KIAA0825: variants seen among roughly 807,000 people sequenced by gnomAD.
KIAA0825 encodes the protein uncharacterized protein KIAA0825.
In KIAA0825, 119 loss-of-function variants were observed where a neutral mutation model predicts 147.6. That is an observed-to-expected ratio of 0.81 (90% CI 0.69 to 0.94). The LOEUF is 0.94. Among genes scored for constraint, KIAA0825 ranks in the 40% least tolerant of loss-of-function variants. The pLI is 0.00. For missense variants in KIAA0825, 1,381 were observed against 1,472.7 expected, an observed-to-expected ratio of 0.94 and a Z score of 1.02; for synonymous variants, 470 against 518.1, an observed-to-expected ratio of 0.91 and a Z score of 1.26.
Position 94,466,610 on chromosome 5 carries a change from G to A in KIAA0825, c.1873-1551C>T, listed in dbSNP as rs552002333. On this transcript the variant is annotated intron_variant, in intron 10 of 20. Coordinates refer to ENST00000682413, the MANE Select transcript of KIAA0825 (RefSeq NM_001145678.3). Reference sequence around the variant, plus strand: ...AAATTAGCTGGGCGTGGTGGCAGGCGCCTGTAGTCCCAGCTACTTGGGAGG... The same window carrying A: ...AAATTAGCTGGGCGTGGTGGCAGGCACCTGTAGTCCCAGCTACTTGGGAGG... 1.6e-3 allele frequency among the ~76,000 whole-genome samples: 245 copies of A among 151,800 alleles called. 2 individuals are homozygous for A. Among genetic ancestry groups the A allele is most frequent in the African/African-American group, 5.5e-3 (226 of 41,406 alleles).
intron 20 of KIAA0825, among the ~76,000 whole-genome samples, chr5:94,303,589 C>G (rs1400536520): frequency 3.3e-5 from 5 of 151,946 alleles, no homozygotes; most frequent in Non-Finnish European, 7.4e-5. Context: ...ATATTTGTTT[C>G]TGTATAAAGA....
At chr5:94,202,400 G>A (rs1771780236) in intron 20 of KIAA0825, among the ~76,000 whole-genome samples, 1 of 152,222 alleles carries the variant, frequency 6.6e-6, no homozygotes, top group Admixed American at 6.5e-5. Context: ...TGTTTTACGT[G>A]TGCTGGGCTT....
chr5:94,417,066 C>T (rs1304099275), intron 15 of KIAA0825, 135 bp downstream of exon 15: 1 of 797,594 alleles, frequency 1.3e-6, no homozygotes, highest in African/African-American at 1.7e-5. Flanking sequence ...AGGCTTTATA[C>T]TGAAAAAATG....
At chr5:94,168,143 A>G (rs557551862) in intron 20 of KIAA0825, among the ~76,000 whole-genome samples, 17 of 151,866 alleles carry the variant, frequency 1.1e-4, no homozygotes, top group Non-Finnish European at 1.8e-4. Context: ...ACTCAATACT[A>G]TTATATATCA....
chr5:94,485,041 T>C, intron 5 of KIAA0825, 111 bp from the exon 6 acceptor site: 2 of 663,798 alleles, frequency 3.0e-6, no homozygotes, highest in Non-Finnish European at 4.4e-6. Flanking sequence ...AGTTCCTCCA[T>C]AATTAAACCA....
intron 3 of KIAA0825, among the ~76,000 whole-genome samples, chr5:94,532,980 CT>C (rs1163019137): frequency 0.016 from 2,181 of 140,052 alleles, 19 homozygotes; most frequent in Non-Finnish European, 0.022. Flanking sequence ...CATTCTGTGT[CT>C]TTTTTTTTTT....
chr5:94,495,181 C>T (rs1487408372), intron 5 of KIAA0825, among the ~76,000 whole-genome samples: 1 of 152,170 alleles, frequency 6.6e-6, no homozygotes, highest in East Asian at 1.9e-4. Flanking sequence ...TAGTGCCCAC[C>T]TGAAAAGCTG....
In KIAA0825 at chr5:94,430,511, C is replaced by T. The variant is rs141607610; in HGVS notation, c.2497+9471G>A. The stretch of plus-strand genomic sequence containing the variant: ...CAAGGACCACTTAAAACATCAAGTG[C>T]GCAATTTACTCAATTTTTCTGTATC... On this transcript the variant is annotated intron_variant, in intron 14 of 20. Transcript: ENST00000682413. 6.6e-5 allele frequency among the ~76,000 whole-genome samples: 10 copies of T among 152,200 alleles called. 1 individual carries two copies. The South Asian group carries it at 8.3e-4, about 13-fold the overall frequency.
intron 20 of KIAA0825, among the ~76,000 whole-genome samples, chr5:94,184,477 A>G (rs1467126525): frequency 1.3e-5 from 2 of 152,108 alleles, no homozygotes; most frequent in Admixed American, 1.3e-4. Context: ...TTTTAAACAC[A>G]TTGATCATTC....
chr5:94,362,698 T>A (rs1443949649), intron 20 of KIAA0825, among the ~76,000 whole-genome samples: 1 of 148,078 alleles, frequency 6.8e-6, no homozygotes. Flanking sequence ...AGATTCTGAG[T>A]TCCTTGACAG....
At chr5:94,383,298 T>C (rs558689574) in intron 20 of KIAA0825, among the ~76,000 whole-genome samples, 1 of 152,340 alleles carries the variant, frequency 6.6e-6, no homozygotes, top group South Asian at 2.1e-4. Flanking sequence ...ACCTCACATC[T>C]AAGCTATAGC....
At chr5:94,497,021 AG>A (rs1562559552) in intron 5 of KIAA0825, among the ~76,000 whole-genome samples, 1 of 152,172 alleles carries the variant, frequency 6.6e-6, no homozygotes, top group East Asian at 1.9e-4. Context: ...TGGGATTAAT[AG>A]GATTTGCCAC....
intron 1 of KIAA0825, among the ~76,000 whole-genome samples, chr5:94,592,310 C>T (rs1784491741): frequency 6.6e-6 from 1 of 152,048 alleles, no homozygotes; most frequent in Non-Finnish European, 1.5e-5. Flanking sequence ...GAGAAATTGG[C>T]CAAAACAAAG....
chr5:94,335,878 C>T (rs1302751187), intron 20 of KIAA0825, among the ~76,000 whole-genome samples: 1 of 152,120 alleles, frequency 6.6e-6, no homozygotes, highest in Non-Finnish European at 1.5e-5. Context: ...TAATTTGACC[C>T]TGCCAGACTG....
intron 20 of KIAA0825, among the ~76,000 whole-genome samples, chr5:94,245,611 A>G (rs1775563855): frequency 6.6e-6 from 1 of 152,128 alleles, no homozygotes; most frequent in African/African-American, 2.4e-5. Context: ...CTAGCTATCA[A>G]CACTTTGATC....
intron 20 of KIAA0825, among the ~76,000 whole-genome samples, chr5:94,183,966 G>GAA (rs1301061396): frequency 6.6e-6 from 1 of 152,200 alleles, no homozygotes; most frequent in Admixed American, 6.5e-5. Context: ...AGCCAAGTCA[G>GAA]AAATGTGGTT....
chr5:94,293,292 G>C (rs1018558175), intron 20 of KIAA0825, among the ~76,000 whole-genome samples: 2 of 152,146 alleles, frequency 1.3e-5, no homozygotes, highest in Non-Finnish European at 2.9e-5. Context: ...CTGTGTCCCA[G>C]AGATTCTGAT....
chr5:94,164,110 C>A (rs1031562194), intron 20 of KIAA0825, among the ~76,000 whole-genome samples: 2 of 152,120 alleles, frequency 1.3e-5, no homozygotes, highest in African/African-American at 4.8e-5. Context: ...CATTTGAGAG[C>A]CTGCTGGGTT....
intron 14 of KIAA0825, among the ~76,000 whole-genome samples, chr5:94,438,674 T>C (rs112933571): frequency 1.4e-3 from 210 of 152,238 alleles, no homozygotes; most frequent in Non-Finnish European, 2.6e-3. Flanking sequence ...TGCTCCTAAG[T>C]GCCTTTTGGG....
Sources: allele counts gnomAD v4.1 joint callset (sites outside exome capture counted in the v4.1 genomes callset), GRCh38; gene constraint gnomAD v4.1.1; transcripts MANE v1.5; gene names NCBI Gene and HGNC (gene_info 2026-07-23, HGNC 2026-07-21).